EIF2B3: variants seen among roughly 807,000 people sequenced by gnomAD.
EIF2B3 encodes the protein translation initiation factor eIF2B subunit gamma.
EIF2B3 carries 20 observed loss-of-function variants against 54.1 expected under a neutral mutation model. The observed-to-expected ratio is 0.37, with a 90% CI of 0.26 to 0.54. EIF2B3 has a LOEUF of 0.54. Among genes scored for constraint, EIF2B3 ranks in the 20% least tolerant of loss-of-function variants. The pLI, the probability that EIF2B3 is intolerant of heterozygous loss-of-function variation, is 0.86. For missense variants in EIF2B3, 448 were observed against 547.8 expected (o/e 0.82, Z 1.82); for synonymous variants, 153 against 188.1 (o/e 0.81, Z 1.52).
At chr1:44,878,650 T>G (rs1453217937) in intron 8 of EIF2B3, among the ~76,000 whole-genome samples, 1 of 152,152 alleles carries the variant, frequency 6.6e-6, no homozygotes, top group African/African-American at 2.4e-5. Context: ...TTTCACAGGG[T>G]TCTACCAGGA....
In EIF2B3 at chr1:44,983,967, TA is replaced by T. The variant is rs1328997157; in HGVS notation, c.-10+2525del. ...AGGTGATCCACCTGCCTTGGCCTCC[TA>T]AAGTGCTGGGATTTCAGGCATGAGC... On this transcript the variant is annotated intron_variant, in intron 1 of 11. Transcript: ENST00000360403. 7.3e-5 allele frequency among the ~76,000 whole-genome samples: 11 copies of T among 151,254 alleles called. No homozygotes were observed. The East Asian group carries it at 2.2e-3, about 30-fold the overall frequency.
intron 10 of EIF2B3, among the ~76,000 whole-genome samples, chr1:44,858,755 G>C (rs1310207244): frequency 6.6e-6 from 1 of 151,894 alleles, no homozygotes; most frequent in Non-Finnish European, 1.5e-5. Context: ...GTGAGCCACC[G>C]CACCTGGCCT....
chr1:44,913,109 TAAAAAAAAAA>T (rs552977811), intron 5 of EIF2B3, among the ~76,000 whole-genome samples: 1 of 103,266 alleles, frequency 9.7e-6, no homozygotes, highest in Non-Finnish European at 1.9e-5. Context: ...CGGTTTTTGT[TAAAAAAAAAA>T]AAAAAAAAAA....
intron 10 of EIF2B3, among the ~76,000 whole-genome samples, chr1:44,865,417 T>C (rs1340296455): frequency 2.0e-5 from 3 of 152,208 alleles, no homozygotes; most frequent in African/African-American, 7.2e-5. Context: ...TAAATTTCAC[T>C]GTATCTGGCA....
chr1:44,890,358 T>G (rs1285750482), intron 6 of EIF2B3, among the ~76,000 whole-genome samples: 2 of 152,230 alleles, frequency 1.3e-5, no homozygotes, highest in Non-Finnish European at 2.9e-5. Flanking sequence ...TCTGTCTGTC[T>G]GTGTAGTTTA....
chr1:44,955,613 C>T (rs763104389), intron 3 of EIF2B3, among the ~76,000 whole-genome samples: 10 of 151,846 alleles, frequency 6.6e-5, no homozygotes, highest in Non-Finnish European at 1.5e-4. Context: ...GCAATCTATC[C>T]ATCTGACAAA....
At chr1:44,965,625 C>T (rs913894883) in intron 3 of EIF2B3, among the ~76,000 whole-genome samples, 5 of 142,076 alleles carry the variant, frequency 3.5e-5, no homozygotes, top group Admixed American at 2.8e-4. Flanking sequence ...CTGAGATGCA[C>T]AAATGCATCT....
At chr1:44,896,262 G>T (rs150001186) in intron 6 of EIF2B3, among the ~76,000 whole-genome samples, 1 of 152,182 alleles carries the variant, frequency 6.6e-6, no homozygotes, top group Non-Finnish European at 1.5e-5. Flanking sequence ...TGTGTCCTTG[G>T]TAGGGGAAAC....
chr1:44,924,106 A>T (rs1315741859), intron 5 of EIF2B3, among the ~76,000 whole-genome samples: 1 of 151,646 alleles, frequency 6.6e-6, no homozygotes, highest in Admixed American at 6.6e-5. Flanking sequence ...ACACCCAGCT[A>T]ATTTTTTGTA....
chr1:44,962,697 G>C (rs980037592), intron 3 of EIF2B3, among the ~76,000 whole-genome samples: 2 of 152,192 alleles, frequency 1.3e-5, no homozygotes, highest in African/African-American at 2.4e-5. Context: ...TTACAGGTGT[G>C]AGCCACTGTA....
chr1:44,922,194 G>A (rs995933570), intron 5 of EIF2B3, among the ~76,000 whole-genome samples: 6 of 151,578 alleles, frequency 4.0e-5, no homozygotes, highest in African/African-American at 1.2e-4. Flanking sequence ...AATTACAGGC[G>A]TGAGCCACCA....
In EIF2B3 at chr1:44,941,683, G is replaced by C. The variant is rs924563383; in HGVS notation, c.295-18C>G. The stretch of plus-strand genomic sequence containing the variant: ...ACATCTGTCTGTTAAATGGAGATGG[G>C]AAAAGTCAATATCATAAAGGACAAT... On this transcript the variant is annotated intron_variant, in intron 3 of 11. Transcript: ENST00000360403. 10 of 1,614,026 alleles carry C rather than the reference G, an allele frequency of 6.2e-6. No homozygotes were observed. Among genetic ancestry groups the C allele is most frequent in the Admixed American group, 1.7e-5 (1 of 60,004 alleles).
rs766429223 is a variant in EIF2B3, at chr1:44,857,738, G to A, written c.1272C>T (p.Cys424=). The part of the protein sequence containing the change: ...VIEKGADIKD[C]LIGSGQRIEA... Reference sequence around the variant, plus strand: ...CAATCCTCTGGCCACTTCCAATCAAGCAGTCCTTGATGTCTGCACCCTTCT... The same window carrying A: ...CAATCCTCTGGCCACTTCCAATCAAACAGTCCTTGATGTCTGCACCCTTCT... The change falls in exon 11 of 12, where the codon TGC becomes TGT. Residue 424 remains cysteine (C), a synonymous_variant. Transcript: ENST00000360403. The A allele has an allele frequency of 1.9e-6, 3 of 1,614,156 alleles. No individual in the cohort carries two copies. The highest frequency in any genetic ancestry group is 2.5e-6 in the Non-Finnish European group (3 of 1,180,016).
At chr1:44,920,464 A>T (rs749439461) in intron 5 of EIF2B3, among the ~76,000 whole-genome samples, 1 of 152,114 alleles carries the variant, frequency 6.6e-6, no homozygotes, top group Non-Finnish European at 1.5e-5. Flanking sequence ...GTGCTAGCAA[A>T]TATTAGGTTT....
chr1:44,860,345 C>A (rs1486255002), intron 10 of EIF2B3, among the ~76,000 whole-genome samples: 2 of 152,112 alleles, frequency 1.3e-5, no homozygotes, highest in Non-Finnish European at 2.9e-5. Flanking sequence ...CTGAAAATCA[C>A]CTGAGTAGTG....
intron 3 of EIF2B3, among the ~76,000 whole-genome samples, chr1:44,951,002 T>A (rs2148948116): frequency 6.6e-6 from 1 of 152,176 alleles, no homozygotes; most frequent in Non-Finnish European, 1.5e-5. Flanking sequence ...ATGAGTTTTT[T>A]AAAAAAGACA....
rs34363661 is a variant in EIF2B3, at chr1:44,937,883, C to CAAAAAAA, written c.454+3616_454+3622dup. ...TGGGCGACAGAGCGAGACTCCGTCT[C>CAAAAAAA]AAAAAAAAAAAAAAAAAAAAAAAAA... On this transcript the variant is annotated intron_variant, in intron 4 of 11. Coordinates refer to ENST00000360403, the MANE Select transcript of EIF2B3 (RefSeq NM_020365.5). Among the ~76,000 whole-genome samples, 16 of 33,558 alleles carry CAAAAAAA rather than the reference C, an allele frequency of 4.8e-4. 1 individual carries two copies. Among genetic ancestry groups the CAAAAAAA allele is most frequent in the East Asian group, 2.6e-3 (2 of 770 alleles). The allele number at this position is 33,558 out of a possible 152,430, so 22.0% of individuals were successfully genotyped here. A position where few individuals can be genotyped will look rare whatever the true frequency, so the allele number is the denominator to read the frequency against.
At chr1:44,919,019 A>G (rs189643677) in intron 5 of EIF2B3, among the ~76,000 whole-genome samples, 253 of 152,276 alleles carry the variant, frequency 1.7e-3, no homozygotes, top group African/African-American at 5.8e-3. Flanking sequence ...TTTGGGTTAG[A>G]CTGTATCAGT....
intron 10 of EIF2B3, among the ~76,000 whole-genome samples, chr1:44,871,728 A>G (rs890612199): frequency 1.3e-5 from 2 of 152,190 alleles, no homozygotes; most frequent in African/African-American, 4.8e-5. Flanking sequence ...AGGGAAATGA[A>G]ACAGGTTGAT....
Sources: gnomAD v4.1 joint callset for allele counts (sites outside exome capture counted in the v4.1 genomes callset) on GRCh38, gnomAD v4.1.1 for gene constraint, MANE v1.5 for transcripts, NCBI Gene and HGNC (gene_info 2026-07-23, HGNC 2026-07-21) for gene names.